The following FLNB variants were observed in gnomAD, a reference collection of about 807,000 sequenced individuals.
FLNB encodes the protein filamin B.
A neutral mutation model predicts 250.6 loss-of-function variants in FLNB; 111 were observed. The observed-to-expected ratio is 0.44, with a 90% confidence interval of 0.38 to 0.52. FLNB has a LOEUF of 0.52. Ranked by LOEUF, FLNB falls within the 20% of genes least tolerant of loss-of-function variation. FLNB has a pLI of 0.00. For missense variants in FLNB, 2,869 were observed against 3,447.8 expected (o/e 0.83, Z 4.20); for synonymous variants, 1,302 against 1,372.1 (o/e 0.95, Z 1.13).
chr3:58,114,718 TTGTTG>T (rs1453949433), intron 18 of FLNB, among the ~76,000 whole-genome samples: 1 of 148,282 alleles, frequency 6.7e-6, no homozygotes, highest in African/African-American at 2.5e-5. Flanking sequence ...TTTTTTTTTT[TTGTTG>T]TTGTTGTTGT....
intron 23 of FLNB, among the ~76,000 whole-genome samples, chr3:58,126,039 G>A (rs1400592045): frequency 6.6e-6 from 1 of 152,184 alleles, no homozygotes; most frequent in Non-Finnish European, 1.5e-5. Flanking sequence ...TGGTTGCAAG[G>A]CATATGCCTG....
chr3:58,157,694 G>A (rs1004320353), intron 41 of FLNB, among the ~76,000 whole-genome samples: 6 of 152,208 alleles, frequency 3.9e-5, no homozygotes, highest in Non-Finnish European at 7.3e-5. Context: ...CATGCATCTC[G>A]AAGATTTCTT....
intron 1 of FLNB, among the ~76,000 whole-genome samples, chr3:58,018,327 CTTTTTTTTTT>C (rs60851192): frequency 7.3e-4 from 46 of 63,236 alleles, no homozygotes; most frequent in African/African-American, 1.1e-3. Flanking sequence ...TATTCATTGA[CTTTTTTTTTT>C]TTTTTTTTTT....
At chr3:58,018,406 C>T (rs1214097932) in intron 1 of FLNB, among the ~76,000 whole-genome samples, 1 of 134,476 alleles carries the variant, frequency 7.4e-6, no homozygotes, top group Non-Finnish European at 1.5e-5. Context: ...GCAATCTTGG[C>T]TCACTGCAAC....
chr3:58,055,574 G>C (rs2097169223), intron 1 of FLNB, among the ~76,000 whole-genome samples: 1 of 152,200 alleles, frequency 6.6e-6, no homozygotes, highest in South Asian at 2.1e-4. Context: ...TTTGGGTGGG[G>C]ACACAGCCAA....
rs565764216 is a variant in FLNB, at chr3:58,121,341, C to G, written c.2964C>G (p.Val988=). 1 of 1,614,092 alleles carries G rather than the reference C, an allele frequency of 6.2e-7. No homozygotes were observed. Among genetic ancestry groups the G allele is most frequent in the Non-Finnish European group, 8.5e-7 (1 of 1,180,024 alleles). The change falls in exon 20 of 46, where the codon GTC becomes GTG. Residue 988 remains valine, a synonymous_variant. Transcript: ENST00000295956. ...CAATCCTCAGCCCCTCTCGGAAGGTCGTGCCATGCCTAGTGACACCTGTGA... is the reference window on the plus strand; with the variant it reads ...CAATCCTCAGCCCCTCTCGGAAGGTGGTGCCATGCCTAGTGACACCTGTGA... The part of the protein sequence containing the change: ...DVTILSPSRK[V]VPCLVTPVTG...
chr3:58,109,960 A>T, intron 15 of FLNB, 50 bp from the exon 16 acceptor site: 1 of 1,608,774 alleles, frequency 6.2e-7, no homozygotes, highest in Non-Finnish European at 8.5e-7. Flanking sequence ...GAGATTGCAC[A>T]GGACATGCTG....
At chr3:58,116,502 G>A (rs1027277533) in intron 18 of FLNB, among the ~76,000 whole-genome samples, 1 of 152,178 alleles carries the variant, frequency 6.6e-6, no homozygotes, top group Non-Finnish European at 1.5e-5. Context: ...CTGCAGGCCT[G>A]CCACTCCACC....
rs182767771 is a variant in FLNB at position 58,118,471 on chromosome 3, G to T, written c.2746-401G>T. ...GGGCCATGGGTATGAGGCCCAGCTC[G>T]CACCCTTACCAAGGTGTGTGACTTG... On this transcript the variant is annotated intron_variant, in intron 18 of 45. Transcript: ENST00000295956. Among the ~76,000 whole-genome samples, 9 of 152,224 alleles carry T rather than the reference G, an allele frequency of 5.9e-5. No homozygotes were observed. In the East Asian group the frequency reaches 1.4e-3, roughly 23 times the overall value.
chr3:58,134,777 C>T lies in FLNB; in HGVS notation c.4671+5C>T. Reference sequence around the variant, plus strand: ...CTGCTTGCTGTTCAAATAACGGTAACTTGGAGTTATTTTCTGAGCCAAACC... The same window carrying T: ...CTGCTTGCTGTTCAAATAACGGTAATTTGGAGTTATTTTCTGAGCCAAACC... On this transcript the variant is annotated splice_donor_5th_base_variant and intron_variant, in intron 27 of 45. Transcript: ENST00000295956. 6.2e-7 allele frequency: 1 copy of T among 1,613,254 alleles called. No individual in the cohort carries two copies. Among genetic ancestry groups the T allele is most frequent in the Middle Eastern group, 1.7e-4 (1 of 6,060 alleles).
chr3:58,046,808 A>G (rs537385801), intron 1 of FLNB, among the ~76,000 whole-genome samples: 2 of 152,112 alleles, frequency 1.3e-5, no homozygotes, highest in African/African-American at 4.8e-5. Flanking sequence ...CCCTTCCCCA[A>G]CCAGGCCCAA....
intron 22 of FLNB, among the ~76,000 whole-genome samples, chr3:58,125,202 G>T (rs1160380139): frequency 6.6e-6 from 1 of 151,930 alleles, no homozygotes; most frequent in African/African-American, 2.4e-5. Flanking sequence ...GTGTGATCAC[G>T]GCTCACTGCA....
rs148173999 is a variant in FLNB, at chr3:58,083,516, A to G, written c.787+1740A>G. Reference sequence around the variant, plus strand: ...CGAGTAGCTGGGATTACAGGCATCCACCACCATGCCTGGCTAATTTTTGTA... The same window carrying G: ...CGAGTAGCTGGGATTACAGGCATCCGCCACCATGCCTGGCTAATTTTTGTA... On this transcript the variant is annotated intron_variant, in intron 4 of 45. Transcript: ENST00000295956. Among the ~76,000 whole-genome samples the G allele has an allele frequency of 8.3e-3, 1,258 of 151,466 alleles. 15 individuals carry two copies. Among genetic ancestry groups the G allele is most frequent in the African/African-American group, 0.029 (1,203 of 41,092 alleles).
chr3:58,134,530 C>T, intron 26 of FLNB, 86 bp from the exon 27 acceptor site: 12 of 1,488,816 alleles, frequency 8.1e-6, no homozygotes, highest in Non-Finnish European at 1.1e-5. Context: ...CTTTTCCATC[C>T]CACTCTTATG....
At chr3:58,039,249 A>C (rs1403720458) in intron 1 of FLNB, among the ~76,000 whole-genome samples, 1 of 151,438 alleles carries the variant, frequency 6.6e-6, no homozygotes, top group Admixed American at 6.6e-5. Flanking sequence ...TGTTGAATGG[A>C]AAATCAGACT....
At chr3:58,009,550 T>C (rs1459365945) in intron 1 of FLNB, among the ~76,000 whole-genome samples, 1 of 152,112 alleles carries the variant, frequency 6.6e-6, no homozygotes, top group Non-Finnish European at 1.5e-5. Context: ...GTGGTAACAG[T>C]AATTGCTGTC....
intron 10 of FLNB, among the ~76,000 whole-genome samples, 198 bp downstream of exon 10, chr3:58,104,283 G>C (rs1236670588): frequency 6.6e-6 from 1 of 150,784 alleles, no homozygotes; most frequent in African/African-American, 2.4e-5. Flanking sequence ...TAGCTGACTT[G>C]CTTTAAATCA....
At chr3:58,126,469 G>T (rs534658612) in intron 23 of FLNB, 133 bp from the exon 24 acceptor site, 3 of 757,074 alleles carry the variant, frequency 4.0e-6, no homozygotes, top group African/African-American at 1.7e-5. Flanking sequence ...AATTCCCTAT[G>T]TGAGAGGTGT....
At chr3:58,088,118 T>C (rs2107004746) in intron 4 of FLNB, among the ~76,000 whole-genome samples, 1 of 141,964 alleles carries the variant, frequency 7.0e-6, no homozygotes, top group South Asian at 2.5e-4. Flanking sequence ...CTTGGCTCGC[T>C]GCAACCCCCG....
Sources: allele counts gnomAD v4.1 joint callset (sites outside exome capture counted in the v4.1 genomes callset), GRCh38; gene constraint gnomAD v4.1.1; transcripts MANE v1.5; gene names NCBI Gene and HGNC (gene_info 2026-07-23, HGNC 2026-07-21).